LTBP2: variants seen among roughly 807,000 people sequenced by gnomAD.
The protein encoded by LTBP2 is latent-transforming growth factor beta-binding protein 2.
In LTBP2, 103 loss-of-function variants were observed where a neutral mutation model predicts 210.6. That is an observed-to-expected ratio of 0.49 (90% confidence interval 0.42 to 0.58). LTBP2 has a LOEUF of 0.58. Among genes scored for constraint, LTBP2 ranks in the 20% least tolerant of loss-of-function variants. The pLI is 0.00. For missense variants in LTBP2, 2,313 were observed against 2,494.5 expected (o/e 0.93, Z 1.55); for synonymous variants, 1,007 against 1,015.0 (o/e 0.99, Z 0.15).
chr14:74,503,165 C>T lies in LTBP2; in HGVS notation c.4888+54G>A, dbSNP rs1051147599. The T allele has an allele frequency of 8.7e-6, 14 of 1,604,548 alleles. No homozygotes were observed. In the African/African-American group the frequency reaches 1.9e-4, roughly 21 times the overall value. ...CCCCAGTTCCAAGGTGAGGGCATCC[C>T]CCTCCCTGGGGCCTGGCCCAGCCCT... On this transcript the variant is annotated intron_variant, in intron 33 of 35. Transcript: ENST00000261978.
intron 3 of LTBP2, among the ~76,000 whole-genome samples, chr14:74,558,910 C>A (rs1184298612): frequency 1.2e-4 from 19 of 152,192 alleles, no homozygotes; most frequent in Admixed American, 5.9e-4. Context: ...TTACTAGCAG[C>A]ACAGCCTTGA....
At position 74,563,839 on chromosome 14, in the gene LTBP2, T is replaced by C. The variant is rs558437304; in HGVS notation, c.831-8146A>G. On this transcript the variant is annotated intron_variant, in intron 3 of 35. Coordinates refer to ENST00000261978, the MANE Select transcript of LTBP2 (RefSeq NM_000428.3). ...CCATTTATGGAAGTCTGCTGGCTCC[T>C]GGTGTAGGGCATGTGAACTCCTGTG... Among the ~76,000 whole-genome samples, 3 of 150,372 alleles carry C rather than the reference T, an allele frequency of 2.0e-5. No individual in the cohort carries two copies. In the South Asian group the frequency reaches 6.3e-4, roughly 32 times the overall value.
intron 15 of LTBP2, 56 bp downstream of exon 15, chr14:74,525,068 C>G: frequency 9.6e-7 from 1 of 1,040,036 alleles, no homozygotes; most frequent in South Asian, 3.8e-5. Flanking sequence ...TGGCTCTGGA[C>G]AGACACAGCT....
rs763665239 is a variant in LTBP2 at position 74,528,531 on chromosome 14, G to A, written c.2320C>T (p.Arg774Trp). 10 of 1,612,448 alleles carry A rather than the reference G, an allele frequency of 6.2e-6. No individual in the cohort carries two copies. Among genetic ancestry groups the A allele is most frequent in the South Asian group, 4.4e-5 (4 of 91,050 alleles). ...TCAAGCCAGGTGTCCGTGACGACCC[G>A]GAGGGGCTGCCTCTCTGCTGGCCCG... ...LPGPAERQPL[R>W]VVTDTWLEAG... Residue 774 changes from arginine (R) to tryptophan (W), a missense_variant, in exon 12 of 36, where the codon CGG (arginine) becomes TGG (tryptophan). By Grantham distance (101) the Arg-to-Trp change is moderately radical. Coordinates refer to ENST00000261978, the MANE Select transcript of LTBP2 (RefSeq NM_000428.3).
At chr14:74,564,175 TTATATATATATTTA>T (rs2087850548) in intron 3 of LTBP2, among the ~76,000 whole-genome samples, 4 of 9,350 alleles carry the variant, frequency 4.3e-4, no homozygotes, top group African/African-American at 2.5e-3. Context: ...ATATATATAT[TTATATATATATTTA>T]TATATATATT....
At chr14:74,580,147 G>A (rs538163494) in intron 3 of LTBP2, among the ~76,000 whole-genome samples, 4 of 152,318 alleles carry the variant, frequency 2.6e-5, no homozygotes, top group African/African-American at 9.6e-5. Flanking sequence ...TGGGGAGGAT[G>A]TGGAGGGCAT....
chr14:74,511,509 G>A (rs1400496233), intron 18 of LTBP2, 145 bp from the exon 19 acceptor site: 13 of 1,038,594 alleles, frequency 1.3e-5, no homozygotes, highest in Non-Finnish European at 1.6e-5. Flanking sequence ...GCTGCCCTGT[G>A]TTCCCAACTC....
intron 24 of LTBP2, 35 bp downstream of exon 24, chr14:74,508,569 C>A: frequency 6.3e-7 from 1 of 1,593,376 alleles, no homozygotes; most frequent in South Asian, 1.1e-5. Flanking sequence ...TTCCCATGCT[C>A]CTGGCCAGTA....
intron 8 of LTBP2, among the ~76,000 whole-genome samples, chr14:74,539,908 C>T (rs538072639): frequency 6.6e-6 from 1 of 152,316 alleles, no homozygotes; most frequent in East Asian, 1.9e-4. Context: ...CATGTATGTG[C>T]TTTTTATATA....
At position 74,503,912 on chromosome 14, in the gene LTBP2, ATGTG is replaced by A. The variant is rs1254211489; in HGVS notation, c.4582+10_4582+13del. ...TGGGCCTGGGGTGGGGGCAGGGATCATGTGTGTCCTTACCCTCACACTTCTTGTG... is the reference window on the plus strand; with the variant it reads ...TGGGCCTGGGGTGGGGGCAGGGATCATGTCCTTACCCTCACACTTCTTGTG... On this transcript the variant is annotated intron_variant, in intron 31 of 35. Coordinates refer to ENST00000261978, the MANE Select transcript of LTBP2 (RefSeq NM_000428.3). 6.2e-7 allele frequency: 1 copy of A among 1,613,796 alleles called. No homozygotes were observed. Among genetic ancestry groups the A allele is most frequent in the Non-Finnish European group, 8.5e-7 (1 of 1,179,984 alleles).
At chr14:74,578,319 G>A (rs1219659274) in intron 3 of LTBP2, among the ~76,000 whole-genome samples, 1 of 152,140 alleles carries the variant, frequency 6.6e-6, no homozygotes, top group African/African-American at 2.4e-5. Flanking sequence ...GACACCCCGC[G>A]AATCGTGCTA....
At chr14:74,532,617 G>C in intron 9 of LTBP2, 69 bp from the exon 10 acceptor site, 1 of 1,567,178 alleles carries the variant, frequency 6.4e-7, no homozygotes, top group Non-Finnish European at 8.7e-7. Context: ...GGGCTGGGCA[G>C]AGATCTTCAA....
At chr14:74,506,632 G>A in intron 27 of LTBP2, 66 bp downstream of exon 27, 2 of 1,602,490 alleles carry the variant, frequency 1.2e-6, no homozygotes, top group Admixed American at 1.7e-5. Context: ...AGGACCAGTT[G>A]AGGAGGAGGA....
At chr14:74,610,362 AGCCAAGGAAAACAGAGC>A (rs530043738) in intron 1 of LTBP2, among the ~76,000 whole-genome samples, 50 of 152,350 alleles carry the variant, frequency 3.3e-4, no homozygotes, top group East Asian at 5.8e-4. Flanking sequence ...AGAGCGCTCC[AGCCAAGGAAAACAGAGC>A]GCCAAGGAAA....
At chr14:74,578,810 G>A (rs959392656) in intron 3 of LTBP2, among the ~76,000 whole-genome samples, 1 of 152,210 alleles carries the variant, frequency 6.6e-6, no homozygotes, top group Non-Finnish European at 1.5e-5. Context: ...GAGGTCCCCA[G>A]GCTGGGTGTC....
chr14:74,528,269 TG>T (rs1401027998), intron 12 of LTBP2, among the ~76,000 whole-genome samples: 1 of 152,066 alleles, frequency 6.6e-6, no homozygotes, highest in Non-Finnish European at 1.5e-5. Flanking sequence ...CCCTGGGGCG[TG>T]GGCACCTCTT....
In LTBP2 at chr14:74,611,903, C is replaced by G. The variant is rs2088619439; in HGVS notation, c.42G>C (p.Leu14=). 1.3e-6 allele frequency: 2 copies of G among 1,597,900 alleles called. No individual in the cohort carries two copies. The highest frequency in any genetic ancestry group is 1.3e-5 in the African/African-American group (1 of 74,406). The change falls in exon 1 of 36, where the codon CTG becomes CTC. Residue 14 remains leucine, a synonymous_variant. Transcript: ENST00000261978. ...GCAGGAAGCCTCTCCAGGGGTTCCG[C>G]AGGGCGCGCCCCGGGCTGCGGGCTT... ...RTKARSPGRA[L]RNPWRGFLPL... is the part of the protein sequence containing the mutation.
chr14:74,597,728 T>C (rs1390101545), intron 2 of LTBP2, among the ~76,000 whole-genome samples: 1 of 152,166 alleles, frequency 6.6e-6, no homozygotes, highest in Non-Finnish European at 1.5e-5. Context: ...GAGTGCACCC[T>C]ACATATCAGC....
chr14:74,596,268 T>TAAATA (rs1555353657), intron 2 of LTBP2, among the ~76,000 whole-genome samples: 1 of 117,054 alleles, frequency 8.5e-6, no homozygotes, highest in African/African-American at 2.7e-5. Flanking sequence ...TAAATAAAAA[T>TAAATA]TAAAAACAAA....
Sources: allele counts gnomAD v4.1 joint callset (sites outside exome capture counted in the v4.1 genomes callset), GRCh38; gene constraint gnomAD v4.1.1; transcripts MANE v1.5; gene names NCBI Gene and HGNC (gene_info 2026-07-23, HGNC 2026-07-21).